Variants in USP36 observed in about 807,000 individuals in gnomAD.
The protein encoded by USP36 is ubiquitin carboxyl-terminal hydrolase 36.
Under a neutral mutation model 111.5 loss-of-function variants are expected in USP36, and 59 were observed. That is an observed-to-expected ratio of 0.53 (90% confidence interval 0.43 to 0.66). USP36 has a LOEUF of 0.66. Ranked by LOEUF, USP36 falls within the 30% of genes least tolerant of loss-of-function variation. USP36 has a pLI of 0.00. For synonymous variants in USP36, 628 were observed against 581.0 expected (o/e 1.08, Z -1.16); for missense variants, 1,488 against 1,468.0 (o/e 1.01, Z -0.22).
At chr17:78,825,446 T>C (rs73407940) in intron 6 of USP36, among the ~76,000 whole-genome samples, 1,796 of 152,208 alleles carry the variant, frequency 0.012, 33 homozygotes, top group African/African-American at 0.041. Context: ...TACAGACCAG[T>C]GAAAGCTCCC....
At position 78,799,877 on chromosome 17, in the gene USP36, C is replaced by CTTTTTTT. The variant is rs549964435; in HGVS notation, c.3023-116_3023-110dup. ...CAACTTACAGTAAGTGGATGCTTGC[C>CTTTTTTT]TTTTTTTTTTTTTTTTTTTTTTTTT... is the stretch of plus-strand genomic sequence containing the variant. On this transcript the variant is annotated intron_variant, in intron 17 of 20. Transcript: ENST00000449938. 59 of 155,590 alleles carry CTTTTTTT rather than the reference C, an allele frequency of 3.8e-4. 5 individuals are homozygous for CTTTTTTT. The highest frequency in any genetic ancestry group is 9.3e-4 in the African/African-American group (24 of 25,836). The allele number at this position is 155,590 out of a possible 1,614,324, so 9.6% of individuals were successfully genotyped here.
chr17:78,808,176 T>C (rs2093960018), intron 13 of USP36, among the ~76,000 whole-genome samples: 1 of 152,276 alleles, frequency 6.6e-6, no homozygotes, highest in South Asian at 2.1e-4. Context: ...CAAATGGTTC[T>C]GGCCTGAAGA....
In USP36 at chr17:78,803,996, A is replaced by C. The variant is rs140283267; in HGVS notation, c.2217-18T>G. 4.4e-5 allele frequency: 68 copies of C among 1,540,542 alleles called. No individual in the cohort carries two copies. The highest frequency in any genetic ancestry group is 5.8e-5 in the Non-Finnish European group (66 of 1,138,980). On this transcript the variant is annotated intron_variant, in intron 15 of 20. Coordinates refer to ENST00000449938, the MANE Select transcript of USP36 (RefSeq NM_001385174.1). This position sits in a 1 kb window ranked among gnomAD's most constrained non-coding sequence, Gnocchi z 4.6. ...ACACAGCCCTGTGGGGACAGCCAGG[A>C]AACAGGGAGAGGATGTTCTGAAAGA... is the stretch of plus-strand genomic sequence containing the variant.
At chr17:78,789,197 C>CAAAAAA (rs869247026) in intron 3 of USP36, among the ~76,000 whole-genome samples, 1 of 65,902 alleles carries the variant, frequency 1.5e-5, no homozygotes, top group East Asian at 4.3e-4. Flanking sequence ...AACTTGGTCC[C>CAAAAAA]AAAAAAAAAA....
chr17:78,826,035 T>A (rs567634104), intron 6 of USP36, among the ~76,000 whole-genome samples: 1 of 152,274 alleles, frequency 6.6e-6, no homozygotes, highest in East Asian at 1.9e-4. Context: ...TTCCCAGTGC[T>A]AGCTATGGGG....
At chr17:78,818,902 T>G (rs993226728) in intron 9 of USP36, 124 bp from the exon 10 acceptor site, 1 of 966,478 alleles carries the variant, frequency 1.0e-6, no homozygotes, top group African/African-American at 1.6e-5. Context: ...ATCAATGAGA[T>G]TTCGACCTTC....
At chr17:78,828,241 A>C (rs1397815872) in intron 5 of USP36, among the ~76,000 whole-genome samples, 2 of 152,218 alleles carry the variant, frequency 1.3e-5, no homozygotes, top group African/African-American at 4.8e-5. Context: ...AATCCATTGA[A>C]TATCTCTCCA....
chr17:78,835,935 T>C (rs891652667), intron 3 of USP36, 176 bp downstream of exon 3: 154 of 937,018 alleles, frequency 1.6e-4, no homozygotes, highest in Non-Finnish European at 2.3e-4. Context: ...ACAGATTTCC[T>C]TGCTACCAAC....
upstream of USP36, chr17:78,840,850 A>C (rs1282864036): frequency 6.6e-6 from 1 of 152,332 alleles, no homozygotes; most frequent in Non-Finnish European, 1.5e-5. Context: ...TGTCACCGCG[A>C]CGCTTAAAGG....
chr17:78,818,094 T>C lies in USP36; in HGVS notation c.1023+573A>G, dbSNP rs553172008. ...AGTGAGACCCTGTCTTAAAACAAAA[T>C]GAAATTTAAACAATAAAATACCATC... On this transcript the variant is annotated intron_variant, in intron 10 of 20. Transcript: ENST00000449938. Among the ~76,000 whole-genome samples the C allele has an allele frequency of 7.8e-4, 118 of 152,078 alleles. 1 individual carries two copies. Among genetic ancestry groups the C allele is most frequent in the African/African-American group, 2.8e-3 (116 of 41,480 alleles).
downstream of USP36, among the ~76,000 whole-genome samples, chr17:78,793,149 TAAG>T (rs924969724): frequency 3.3e-5 from 5 of 151,622 alleles, no homozygotes; most frequent in African/African-American, 1.2e-4. Flanking sequence ...AACCCTGAGG[TAAG>T]AAGGAGAAGA....
At chr17:78,835,241 G>A in intron 4 of USP36, 39 bp downstream of exon 4, 1 of 1,596,756 alleles carries the variant, frequency 6.3e-7, no homozygotes. Context: ...CTAATCCAGA[G>A]GACCCACAGC....
At chr17:78,821,878 T>C (rs892312172) in intron 7 of USP36, 59 bp downstream of exon 7, 5 of 1,597,722 alleles carry the variant, frequency 3.1e-6, no homozygotes, top group Non-Finnish European at 3.4e-6. Context: ...ACTCTTAGGG[T>C]TTCCTGGGTT....
At chr17:78,799,573 A>T in intron 18 of USP36, 94 bp downstream of exon 18, 1 of 1,143,922 alleles carries the variant, frequency 8.7e-7, no homozygotes, top group Non-Finnish European at 1.3e-6. Context: ...CCCGCCCGCC[A>T]CACTCACAGT....
chr17:78,818,470 C>T (rs1191879157), intron 10 of USP36, among the ~76,000 whole-genome samples, 197 bp downstream of exon 10: 3 of 152,248 alleles, frequency 2.0e-5, no homozygotes, highest in Admixed American at 6.5e-5. Context: ...GTTGCTTCCC[C>T]TCTCTGTGAC....
At chr17:78,809,103 A>G (rs1486146366) in intron 13 of USP36, among the ~76,000 whole-genome samples, 3 of 152,220 alleles carry the variant, frequency 2.0e-5, no homozygotes, top group Non-Finnish European at 4.4e-5. Context: ...CACTAAAGTG[A>G]TCTTCATTTG....
rs753508915 is a variant in USP36, at chr17:78,798,390, C to T, written c.*20+10G>A. The T allele has an allele frequency of 6.8e-6, 11 of 1,613,436 alleles. No individual in the cohort carries two copies. Among genetic ancestry groups the T allele is most frequent in the African/African-American group, 2.7e-5 (2 of 74,866 alleles). Reference sequence around the variant, plus strand: ...CACCTCACCCTTACACCCACCCCCTCGGAACCGACCTCCTTCCACAGGGGC... The same window carrying T: ...CACCTCACCCTTACACCCACCCCCTTGGAACCGACCTCCTTCCACAGGGGC... On this transcript the variant is annotated intron_variant, in intron 20 of 20. Transcript: ENST00000449938. The surrounding 1 kb of genome is among the most constrained non-coding windows in gnomAD (Gnocchi z 5.1).
Position 78,799,071 on chromosome 17 carries a change from C to G in USP36, c.3125-48G>C, listed in dbSNP as rs752525450. On this transcript the variant is annotated intron_variant, in intron 18 of 20. Coordinates refer to ENST00000449938, the MANE Select transcript of USP36 (RefSeq NM_001385174.1). ...AGCACGAGTGCAGGTTCCCAGGTCCCCTGTGGCTTCACTTCAAGAGTGTCA... is the reference window on the plus strand; with the variant it reads ...AGCACGAGTGCAGGTTCCCAGGTCCGCTGTGGCTTCACTTCAAGAGTGTCA... The G allele has an allele frequency of 5.1e-6, 8 of 1,574,272 alleles. No homozygotes were observed. In the East Asian group the frequency reaches 1.8e-4, roughly 35 times the overall value.
intron 3 of USP36, among the ~76,000 whole-genome samples, 176 bp from the exon 4 acceptor site, chr17:78,835,677 C>G (rs2068597479): frequency 6.6e-6 from 1 of 152,366 alleles, no homozygotes; most frequent in African/African-American, 2.4e-5. Flanking sequence ...GGAGTAAACC[C>G]AGCCATCCCA....
Sources: allele counts gnomAD v4.1 joint callset (sites outside exome capture counted in the v4.1 genomes callset), GRCh38; gene constraint gnomAD v4.1.1; non-coding constraint Gnocchi (gnomAD v3.1); transcripts MANE v1.5; gene names NCBI Gene and HGNC (gene_info 2026-07-23, HGNC 2026-07-21).